The following SNAP47 variants were observed in gnomAD, a reference collection of about 807,000 sequenced individuals.
SNAP47 encodes the protein synaptosomal-associated protein 47.
SNAP47 carries 20 observed loss-of-function variants against 31.4 expected under a neutral mutation model. The ratio of observed to expected loss-of-function variants is 0.64; its 90% CI spans 0.45 to 0.93. The LOEUF (loss-of-function observed/expected upper bound fraction) is 0.93, where lower values mean the gene tolerates loss of function less well. Ranked by LOEUF, SNAP47 falls within the 40% of genes least tolerant of loss-of-function variation. The pLI is 0.00. For missense variants in SNAP47, 492 were observed against 528.5 expected, an observed-to-expected ratio of 0.93 and a Z score of 0.68; for synonymous variants, 194 against 213.4, an observed-to-expected ratio of 0.91 and a Z score of 0.79.
chr1:227,755,914 A>G (rs1662666209), intron 2 of SNAP47, among the ~76,000 whole-genome samples: 1 of 152,228 alleles, frequency 6.6e-6, no homozygotes, highest in Non-Finnish European at 1.5e-5. Context: ...ACCAATTGCC[A>G]TCTTTTAACC....
chr1:227,754,216 T>C (rs568171223), intron 2 of SNAP47, among the ~76,000 whole-genome samples: 38 of 152,354 alleles, frequency 2.5e-4, no homozygotes, highest in Admixed American at 2.4e-3. Flanking sequence ...ATTCTGCCAG[T>C]TGGTGGCCTA....
intron 4 of SNAP47, among the ~76,000 whole-genome samples, chr1:227,778,037 A>C (rs1664261084): frequency 6.6e-6 from 1 of 152,260 alleles, no homozygotes; most frequent in Admixed American, 6.5e-5. Context: ...TAGGATGGTA[A>C]AAACAGAAGA....
intron 1 of SNAP47, among the ~76,000 whole-genome samples, chr1:227,744,331 C>A (rs1369400749): frequency 6.6e-6 from 1 of 152,084 alleles, no homozygotes; most frequent in Non-Finnish European, 1.5e-5. Flanking sequence ...AGAGTGGACA[C>A]CAACAGCTGA....
At chr1:227,767,867 A>G (rs1196939989) in intron 4 of SNAP47, among the ~76,000 whole-genome samples, 1 of 152,150 alleles carries the variant, frequency 6.6e-6, no homozygotes, top group African/African-American at 2.4e-5. Context: ...CTCAGCCCTC[A>G]TGTGCTGAGC....
In SNAP47 at chr1:227,747,871, G is replaced by A. The variant is rs1662073186; in HGVS notation, c.135G>A (p.Leu45=). ...RFMTDSTGEI[L]VSFPLSSIVE... ...TGACTGACAGCACTGGAGAGATTCTGGTCAGCTTCCCCCTCTCCAGCATAG... is the reference window on the plus strand; with the variant it reads ...TGACTGACAGCACTGGAGAGATTCTAGTCAGCTTCCCCCTCTCCAGCATAG... Residue 45 remains leucine, a synonymous_variant, in exon 2 of 5, where the codon CTG becomes CTA. Transcript: ENST00000617596. 6.2e-7 allele frequency: 1 copy of A among 1,614,130 alleles called. No individual in the cohort carries two copies. Among genetic ancestry groups the A allele is most frequent in the Non-Finnish European group, 8.5e-7 (1 of 1,180,014 alleles).
At chr1:227,732,474 ACT>A (rs1558181013), upstream of SNAP47, 27 of 1,613,100 alleles carry the variant, frequency 1.7e-5, no homozygotes, top group Non-Finnish European at 2.2e-5. Flanking sequence ...GCTGGTGTCC[ACT>A]CTCTGGAAGT....
chr1:227,750,668 G>A (rs886311503), intron 2 of SNAP47, among the ~76,000 whole-genome samples: 5 of 152,212 alleles, frequency 3.3e-5, no homozygotes, highest in Non-Finnish European at 4.4e-5. Flanking sequence ...TGTCTGCAGG[G>A]GGAGGCCTGG....
intron 2 of SNAP47, among the ~76,000 whole-genome samples, chr1:227,752,011 C>T (rs1350595799): frequency 6.6e-6 from 1 of 151,938 alleles, no homozygotes; most frequent in Non-Finnish European, 1.5e-5. Context: ...GTGATCCACC[C>T]GCCTCAGCCT....
In SNAP47 at chr1:227,748,013, A is replaced by G. The variant is rs769584561; in HGVS notation, c.277A>G (p.Ile93Val). Residue 93 changes from isoleucine (I) to valine (V), a missense_variant, in exon 2 of 5, where the codon ATC becomes GTC. Physicochemically the swap from Ile to Val is conservative, Grantham distance 29. Coordinates refer to ENST00000617596, the MANE Select transcript of SNAP47 (RefSeq NM_053052.4). ...LRPSRNVVFS[I>V]IEHFWRELLL... ...GCCAAGTCGAAATGTGGTCTTCAGC[A>G]TCATCGAGCATTTCTGGAGGGAGCT... 1.5e-5 allele frequency: 24 copies of G among 1,614,104 alleles called. No homozygotes were observed. The highest frequency in any genetic ancestry group is 2.0e-5 in the Non-Finnish European group (24 of 1,180,044).
At chr1:227,734,953 C>G, upstream of SNAP47, 1 of 1,501,004 alleles carries the variant, frequency 6.7e-7, no homozygotes, top group Non-Finnish European at 8.9e-7. Flanking sequence ...CGGGGGCCTC[C>G]CGGGCCTGGG....
intron 1 of SNAP47, among the ~76,000 whole-genome samples, chr1:227,737,518 A>T (rs1176117867): frequency 6.6e-6 from 1 of 152,260 alleles, no homozygotes; most frequent in East Asian, 1.9e-4. Context: ...AAACAGAGGC[A>T]TCCTAAGCGG....
chr1:227,735,749 G>T, intron 1 of SNAP47: 1 of 976,608 alleles, frequency 1.0e-6, no homozygotes, highest in Non-Finnish European at 1.2e-6. Flanking sequence ...CAGAGGGAGA[G>T]CTGGGGGGCC....
chr1:227,735,173 G>A (rs201975311), upstream of SNAP47: 70 of 1,580,640 alleles, frequency 4.4e-5, no homozygotes, highest in Non-Finnish European at 5.8e-5. Flanking sequence ...GCCCGGCTCC[G>A]AGACGAAGGC....
At chr1:227,745,035 G>C (rs77877090) in intron 1 of SNAP47, among the ~76,000 whole-genome samples, 2,819 of 152,318 alleles carry the variant, frequency 0.019, 94 homozygotes, top group African/African-American at 0.063. Context: ...GGCCTGTGTG[G>C]CTGTGCTCTT....
intron 1 of SNAP47, among the ~76,000 whole-genome samples, chr1:227,736,004 TGAG>T (rs1661124081): frequency 6.9e-6 from 1 of 145,180 alleles, no homozygotes; most frequent in Non-Finnish European, 1.5e-5. Flanking sequence ...ATGGGGACAT[TGAG>T]GACCTGGAGG....
At position 227,769,621 on chromosome 1, in the gene SNAP47, G is replaced by T. The variant is rs138673561; in HGVS notation, c.1113+2538G>T. Among the ~76,000 whole-genome samples, 677 of 152,238 alleles carry T rather than the reference G, an allele frequency of 4.4e-3. 5 individuals are homozygous for T. The highest frequency in any genetic ancestry group is 0.015 in the African/African-American group (634 of 41,540). On this transcript the variant is annotated intron_variant, in intron 4 of 4. Coordinates refer to ENST00000617596, the MANE Select transcript of SNAP47 (RefSeq NM_053052.4). ...TTGCAACTGGGGGTGCTCAGGAGAGGGTGGCTGTGATCACACAGGACAGGC... is the reference window on the plus strand; with the variant it reads ...TTGCAACTGGGGGTGCTCAGGAGAGTGTGGCTGTGATCACACAGGACAGGC...
chr1:227,750,534 G>T (rs565435166), intron 2 of SNAP47, among the ~76,000 whole-genome samples: 2 of 152,384 alleles, frequency 1.3e-5, no homozygotes, highest in South Asian at 4.1e-4. Flanking sequence ...GCCCTGGCAA[G>T]CTGGGACTGG....
chr1:227,754,647 T>C (rs1572015971), intron 2 of SNAP47, among the ~76,000 whole-genome samples: 1 of 152,198 alleles, frequency 6.6e-6, no homozygotes, highest in Non-Finnish European at 1.5e-5. Flanking sequence ...TGTGCACCCA[T>C]GTCATTGTGT....
upstream of SNAP47, chr1:227,735,292 A>G: frequency 6.2e-7 from 1 of 1,605,882 alleles, no homozygotes; most frequent in Non-Finnish European, 8.5e-7. Flanking sequence ...GCACGGGTCG[A>G]AGGACCCTCC....
Sources: gnomAD v4.1 joint callset for allele counts (sites outside exome capture counted in the v4.1 genomes callset) on GRCh38, gnomAD v4.1.1 for gene constraint, MANE v1.5 for transcripts, NCBI Gene and HGNC (gene_info 2026-07-23, HGNC 2026-07-21) for gene names.